The following RAD51B variants were observed in gnomAD, a reference collection of about 807,000 sequenced individuals.
The protein encoded by RAD51B is RAD51 paralog B.
In RAD51B, 38 loss-of-function variants were observed where a neutral mutation model predicts 42.2. The ratio of observed to expected loss-of-function variants is 0.90; its 90% CI spans 0.70 to 1.18. The LOEUF is 1.18. Among genes scored for constraint, RAD51B ranks in the 50% most tolerant of loss-of-function variants. The pLI is 0.00. For synonymous variants in RAD51B, 154 were observed against 145.2 expected (o/e 1.06, Z -0.43); for missense variants, 373 against 400.7 (o/e 0.93, Z 0.59).
At chr14:68,450,313 G>T (rs1340867918) in intron 9 of RAD51B, among the ~76,000 whole-genome samples, 8 of 147,150 alleles carry the variant, frequency 5.4e-5, no homozygotes, top group South Asian at 4.3e-4. Context: ...CCACCTCCCG[G>T]GTTCAAACAT....
At chr14:68,590,464 G>A (rs1424103352) in intron 10 of RAD51B, among the ~76,000 whole-genome samples, 3 of 152,224 alleles carry the variant, frequency 2.0e-5, no homozygotes, top group African/African-American at 7.2e-5. Flanking sequence ...CAGCGTTGGG[G>A]GTTGCCTGTC....
chr14:68,391,316 C>T (rs1241211165), intron 8 of RAD51B, among the ~76,000 whole-genome samples: 1 of 151,990 alleles, frequency 6.6e-6, no homozygotes, highest in Non-Finnish European at 1.5e-5. Context: ...CTTTAGTATG[C>T]GGAGATGCTG....
At chr14:68,094,545 C>T (rs554894360) in intron 7 of RAD51B, among the ~76,000 whole-genome samples, 1 of 152,298 alleles carries the variant, frequency 6.6e-6, no homozygotes, top group Non-Finnish European at 1.5e-5. Flanking sequence ...CAAAGAAACA[C>T]TCCATATCCA....
intron 7 of RAD51B, among the ~76,000 whole-genome samples, chr14:67,938,079 T>C (rs900679666): frequency 2.6e-5 from 4 of 152,356 alleles, no homozygotes; most frequent in African/African-American, 7.2e-5. Flanking sequence ...GCCTGGCATG[T>C]GCTCCAGTGT....
At chr14:68,213,175 C>T (rs933283312) in intron 7 of RAD51B, among the ~76,000 whole-genome samples, 11 of 152,154 alleles carry the variant, frequency 7.2e-5, no homozygotes, top group Admixed American at 2.0e-4. Flanking sequence ...GGTTGATGGG[C>T]GGATTTGCTA....
intron 7 of RAD51B, among the ~76,000 whole-genome samples, chr14:68,092,043 G>C (rs145034307): frequency 1.4e-3 from 207 of 151,802 alleles, no homozygotes; most frequent in African/African-American, 4.7e-3. Flanking sequence ...GCTCTGTTCT[G>C]TTCCATCGGT....
chr14:67,941,146 T>C (rs1287853041), intron 7 of RAD51B, among the ~76,000 whole-genome samples: 1 of 152,220 alleles, frequency 6.6e-6, no homozygotes, highest in African/African-American at 2.4e-5. Flanking sequence ...ACATTGTTCA[T>C]GGTCCTTCTG....
intron 10 of RAD51B, among the ~76,000 whole-genome samples, chr14:68,491,027 T>A (rs1043269073): frequency 1.3e-5 from 2 of 152,104 alleles, no homozygotes; most frequent in Non-Finnish European, 2.9e-5. Context: ...GAGTTATGGA[T>A]AAAAAGGGAG....
At chr14:68,004,241 G>A (rs925239377) in intron 7 of RAD51B, among the ~76,000 whole-genome samples, 27 of 150,392 alleles carry the variant, frequency 1.8e-4, no homozygotes, top group African/African-American at 6.6e-4. Flanking sequence ...GCTGAGGCAG[G>A]AGAACGGCGT....
chr14:68,493,233 G>A (rs1007244594), intron 10 of RAD51B, among the ~76,000 whole-genome samples: 1 of 152,140 alleles, frequency 6.6e-6, no homozygotes, highest in Non-Finnish European at 1.5e-5. Flanking sequence ...CATAAATCAA[G>A]TTCTCAAAGA....
At chr14:68,450,559 G>C (rs1383615644) in intron 9 of RAD51B, among the ~76,000 whole-genome samples, 1 of 152,070 alleles carries the variant, frequency 6.6e-6, no homozygotes. Context: ...CTTGCCTCCT[G>C]TTCCACCTCT....
chr14:68,122,322 G>T (rs559613352), intron 7 of RAD51B, among the ~76,000 whole-genome samples: 1 of 152,252 alleles, frequency 6.6e-6, no homozygotes, highest in African/African-American at 2.4e-5. Context: ...TATTTCACAT[G>T]TATCACAAAC....
At chr14:68,627,486 G>C (rs1892113429) in intron 10 of RAD51B, 2 of 152,174 alleles carry the variant, frequency 1.3e-5, no homozygotes, top group Admixed American at 6.5e-5. Flanking sequence ...CTTGTCTGAT[G>C]GGGGAGATCC....
At chr14:68,205,278 T>G (rs1228751507) in intron 7 of RAD51B, among the ~76,000 whole-genome samples, 5 of 152,182 alleles carry the variant, frequency 3.3e-5, no homozygotes, top group African/African-American at 1.2e-4. Flanking sequence ...GTGATAAATA[T>G]GTGTAAGATG....
At chr14:68,023,786 C>T (rs754109161) in intron 7 of RAD51B, among the ~76,000 whole-genome samples, 12 of 151,944 alleles carry the variant, frequency 7.9e-5, no homozygotes, top group East Asian at 1.9e-4. Flanking sequence ...TCTCCCATTC[C>T]GTGGGTTTTC....
chr14:67,989,413 G>T (rs762395700), intron 7 of RAD51B, among the ~76,000 whole-genome samples: 41 of 152,208 alleles, frequency 2.7e-4, no homozygotes, highest in Admixed American at 5.9e-4. Context: ...AAGGCAGGTG[G>T]ATCACCTGAG....
At chr14:68,432,652 T>C (rs1490008419) in intron 9 of RAD51B, among the ~76,000 whole-genome samples, 10 of 152,196 alleles carry the variant, frequency 6.6e-5, no homozygotes, top group Non-Finnish European at 1.0e-4. Flanking sequence ...TGTCTCTGCA[T>C]GTGAGATGGG....
intron 7 of RAD51B, among the ~76,000 whole-genome samples, chr14:68,177,767 A>ATTTGGCATTTG (rs2078989021): frequency 6.6e-6 from 1 of 152,146 alleles, no homozygotes; most frequent in Admixed American, 6.5e-5. Context: ...CGAGATGTTC[A>ATTTGGCATTTG]AGCTTTCTGG....
intron 9 of RAD51B, chr14:68,422,068 C>T: frequency 6.5e-7 from 1 of 1,526,778 alleles, no homozygotes; most frequent in Middle Eastern, 1.7e-4. Context: ...CAAATCCTTT[C>T]TCTCCAGTGC....
Sources: allele counts gnomAD v4.1 joint callset (sites outside exome capture counted in the v4.1 genomes callset), GRCh38; gene constraint gnomAD v4.1.1; transcripts MANE v1.5; gene names NCBI Gene and HGNC (gene_info 2026-07-23, HGNC 2026-07-21).